CSMD1: variants seen among roughly 807,000 people sequenced by gnomAD.
CSMD1 encodes CUB and Sushi multiple domains 1, also known as CUB and sushi domain-containing protein 1.
Under a neutral mutation model 417.5 loss-of-function variants are expected in CSMD1, and 213 were observed. The observed-to-expected ratio is 0.51, with a 90% CI of 0.46 to 0.57. The LOEUF (loss-of-function observed/expected upper bound fraction) is 0.57. Ranked by LOEUF, CSMD1 falls within the 20% of genes least tolerant of loss-of-function variation. The probability of loss-of-function intolerance (pLI) is 0.00; values close to 1 mark genes in which losing one functional copy is unlikely to be tolerated. For synonymous variants in CSMD1, 2,862 were observed against 1,736.8 expected, an observed-to-expected ratio of 1.65 and a Z score of -16.11; for missense variants, 6,923 against 4,529.7, an observed-to-expected ratio of 1.53 and a Z score of -15.17.
At chr8:3,446,780 G>A (rs964041361) in intron 12 of CSMD1, among the ~76,000 whole-genome samples, 9 of 152,248 alleles carry the variant, frequency 5.9e-5, no homozygotes, top group Non-Finnish European at 2.9e-5. Flanking sequence ...TGACGTCGAT[G>A]AAATGGAACC....
Position 3,936,051 on chromosome 8 carries a change from G to T in CSMD1, c.818+61852C>A, listed in dbSNP as rs538745971. The stretch of plus-strand genomic sequence containing the variant: ...ATTGCTGATATGGAGAAAGTTTAGA[G>T]TGTCCTGGGTAAAAGACCAAAGCAG... On this transcript the variant is annotated intron_variant, in intron 5 of 69. Coordinates refer to ENST00000635120, the MANE Select transcript of CSMD1 (RefSeq NM_033225.6). Among the ~76,000 whole-genome samples, 8 of 152,264 alleles carry T rather than the reference G, an allele frequency of 5.3e-5. No homozygotes were observed. The South Asian group carries it at 1.7e-3, about 32-fold the overall frequency.
At chr8:3,371,124 G>A (rs953748890) in intron 18 of CSMD1, among the ~76,000 whole-genome samples, 4 of 152,166 alleles carry the variant, frequency 2.6e-5, no homozygotes, top group African/African-American at 4.8e-5. Context: ...CAGGTCTTCA[G>A]TCTCAGACTT....
chr8:4,202,915 G>C (rs897376580), intron 3 of CSMD1, among the ~76,000 whole-genome samples: 30 of 152,166 alleles, frequency 2.0e-4, no homozygotes, highest in African/African-American at 5.3e-4. Context: ...TGGACACCTG[G>C]AGTGAGGAGA....
chr8:4,945,582 C>G (rs1465508898), intron 1 of CSMD1, among the ~76,000 whole-genome samples: 1 of 151,176 alleles, frequency 6.6e-6, no homozygotes, highest in East Asian at 1.9e-4. Context: ...CAAGAATAGC[C>G]TCAGTAAATC....
chr8:3,959,436 T>A (rs1283746104), intron 5 of CSMD1, among the ~76,000 whole-genome samples: 2 of 152,038 alleles, frequency 1.3e-5, no homozygotes, highest in Non-Finnish European at 2.9e-5. Context: ...GAGGTGGAGG[T>A]TGCAGTGAGC....
intron 3 of CSMD1, among the ~76,000 whole-genome samples, chr8:4,197,856 G>A (rs950514681): frequency 6.6e-6 from 1 of 152,098 alleles, no homozygotes. Context: ...TCCAGCCTGG[G>A]CAACAGAGTA....
chr8:4,702,069 G>C lies in CSMD1; in HGVS notation c.86-64511C>G, dbSNP rs554241341. ...TGGGAGCTGAACAATGAGAACACAT[G>C]GACACAGGAAAGGGAACAACACATA... On this transcript the variant is annotated intron_variant, in intron 1 of 69. Coordinates refer to ENST00000635120, the MANE Select transcript of CSMD1 (RefSeq NM_033225.6). 1.4e-4 allele frequency among the ~76,000 whole-genome samples: 21 copies of C among 152,186 alleles called. No homozygotes were observed. The South Asian group carries it at 4.4e-3, about 32-fold the overall frequency.
At chr8:4,289,578 G>C (rs1038219443) in intron 3 of CSMD1, among the ~76,000 whole-genome samples, 2 of 152,166 alleles carry the variant, frequency 1.3e-5, no homozygotes, top group Non-Finnish European at 2.9e-5. Flanking sequence ...ATCACATTTT[G>C]TCCAGGTCTG....
intron 1 of CSMD1, among the ~76,000 whole-genome samples, chr8:4,707,865 G>A (rs1056357628): frequency 8.1e-6 from 1 of 124,168 alleles, no homozygotes; most frequent in Non-Finnish European, 1.6e-5. Context: ...CCAGCCTGGG[G>A]ACAAGAGCAA....
At chr8:4,550,186 T>G (rs939088053) in intron 2 of CSMD1, among the ~76,000 whole-genome samples, 4 of 152,004 alleles carry the variant, frequency 2.6e-5, no homozygotes, top group Admixed American at 2.6e-4. Context: ...TCATGGGATG[T>G]GCTGTGTGCA....
chr8:3,662,579 T>C (rs1264926987), intron 7 of CSMD1, among the ~76,000 whole-genome samples: 1 of 152,220 alleles, frequency 6.6e-6, no homozygotes, highest in African/African-American at 2.4e-5. Flanking sequence ...CTAGGTCAAA[T>C]GGTGTTTCTG....
chr8:3,981,128 C>T lies in CSMD1; in HGVS notation c.818+16775G>A, dbSNP rs115584234. 2.9e-3 allele frequency among the ~76,000 whole-genome samples: 440 copies of T among 152,244 alleles called. 1 individual carries two copies. Among genetic ancestry groups the T allele is most frequent in the African/African-American group, 0.01 (425 of 41,536 alleles). ...TGCATGCTGAAATGTCAGGAGTCCTCCAGATGGAAAACAGTGATAGTTACG... is the reference window on the plus strand; with the variant it reads ...TGCATGCTGAAATGTCAGGAGTCCTTCAGATGGAAAACAGTGATAGTTACG... On this transcript the variant is annotated intron_variant, in intron 5 of 69. Transcript: ENST00000635120.
chr8:3,675,715 A>C (rs1400512606), intron 7 of CSMD1, among the ~76,000 whole-genome samples: 1 of 152,054 alleles, frequency 6.6e-6, no homozygotes, highest in Admixed American at 6.6e-5. Context: ...AAGACTCTGA[A>C]TCTATAAGCA....
At chr8:4,552,532 G>C (rs1330096696) in intron 2 of CSMD1, among the ~76,000 whole-genome samples, 1 of 152,056 alleles carries the variant, frequency 6.6e-6, no homozygotes, top group African/African-American at 2.4e-5. Context: ...GATTAATGAA[G>C]TCAGCTTTCC....
chr8:4,345,435 TA>T, intron 3 of CSMD1, among the ~76,000 whole-genome samples: 1 of 151,860 alleles, frequency 6.6e-6, no homozygotes, highest in Non-Finnish European at 1.5e-5. Flanking sequence ...CAAATCAGGA[TA>T]AAGAAGAGAA....
chr8:4,921,526 T>C (rs900449660), intron 1 of CSMD1, among the ~76,000 whole-genome samples: 1 of 152,200 alleles, frequency 6.6e-6, no homozygotes, highest in Non-Finnish European at 1.5e-5. Flanking sequence ...CACTATATAG[T>C]TGGTAAAATG....
intron 5 of CSMD1, among the ~76,000 whole-genome samples, chr8:3,772,117 A>G (rs966830995): frequency 1.3e-5 from 2 of 149,280 alleles, no homozygotes; most frequent in East Asian, 2.0e-4. Flanking sequence ...TGAGTGCTCT[A>G]AACTGTAAAT....
At chr8:2,963,439 C>G in intron 59 of CSMD1, 44 bp from the exon 60 acceptor site, 1 of 1,591,154 alleles carries the variant, frequency 6.3e-7, no homozygotes, top group Non-Finnish European at 8.6e-7. Flanking sequence ...GGAGCTCCCG[C>G]TGCAGCGGTG....
chr8:3,690,267 C>T (rs1318766439), intron 7 of CSMD1, among the ~76,000 whole-genome samples: 2 of 152,130 alleles, frequency 1.3e-5, no homozygotes, highest in Non-Finnish European at 2.9e-5. Context: ...GAGGCTGAGT[C>T]AGAAGGATCG....
Sources: allele counts gnomAD v4.1 joint callset (sites outside exome capture counted in the v4.1 genomes callset), GRCh38; gene constraint gnomAD v4.1.1; transcripts MANE v1.5; gene names NCBI Gene and HGNC (gene_info 2026-07-23, HGNC 2026-07-21).